The following SNX29 variants were observed in gnomAD, a reference collection of about 807,000 sequenced individuals.
SNX29 encodes the protein sorting nexin 29.
SNX29 carries 78 observed loss-of-function variants against 102.1 expected under a neutral mutation model. That is an observed-to-expected ratio of 0.76 (90% CI 0.64 to 0.92). The LOEUF (loss-of-function observed/expected upper bound fraction) is 0.92. Among genes scored for constraint, SNX29 ranks in the 40% least tolerant of loss-of-function variants. The pLI, the probability that SNX29 is intolerant of heterozygous loss-of-function variation, is 0.00. For missense variants in SNX29, 1,280 were observed against 1,061.7 expected, an observed-to-expected ratio of 1.21 and a Z score of -2.86; for synonymous variants, 580 against 414.5, an observed-to-expected ratio of 1.40 and a Z score of -4.85.
intron 14 of SNX29, among the ~76,000 whole-genome samples, chr16:12,265,802 T>C (rs148124011): frequency 6.7e-6 from 1 of 149,896 alleles, no homozygotes; most frequent in Non-Finnish European, 1.5e-5. Context: ...AGGTGGAGGA[T>C]CACCTGAGCC....
intron 20 of SNX29, among the ~76,000 whole-genome samples, chr16:12,563,580 G>A (rs1474123541): frequency 6.7e-6 from 1 of 148,988 alleles, no homozygotes; most frequent in African/African-American, 2.4e-5. Context: ...TTGGGTGGTG[G>A]CTTAGGCCTC....
chr16:12,187,460 A>T (rs709421), intron 13 of SNX29, among the ~76,000 whole-genome samples: 85,542 of 151,486 alleles, frequency 0.56, 28,846 homozygotes, highest in Non-Finnish European at 0.73. Context: ...AGGCAGGAGA[A>T]TTGCTTGAAC....
chr16:12,281,386 G>A (rs1011607983), intron 15 of SNX29, among the ~76,000 whole-genome samples: 99 of 152,312 alleles, frequency 6.5e-4, no homozygotes, highest in African/African-American at 2.2e-3. Flanking sequence ...CTGGAATCCA[G>A]TGTCCTGGAC....
At chr16:12,131,203 T>A (rs2141426555) in intron 13 of SNX29, among the ~76,000 whole-genome samples, 1 of 152,342 alleles carries the variant, frequency 6.6e-6, no homozygotes, top group East Asian at 1.9e-4. Flanking sequence ...GGGGTGGAAA[T>A]GGTGCTGGCA....
At chr16:12,454,974 C>T (rs1210851825) in intron 18 of SNX29, among the ~76,000 whole-genome samples, 2 of 152,194 alleles carry the variant, frequency 1.3e-5, no homozygotes, top group East Asian at 1.9e-4. Context: ...TCTCGAACTC[C>T]TGACCTCAAG....
chr16:12,100,949 G>C (rs1335564562), intron 11 of SNX29, among the ~76,000 whole-genome samples: 1 of 152,102 alleles, frequency 6.6e-6, no homozygotes, highest in Non-Finnish European at 1.5e-5. Context: ...GATGACCTTT[G>C]GGTTTTCTCC....
At chr16:12,100,486 C>T (rs1470913498) in intron 11 of SNX29, among the ~76,000 whole-genome samples, 4 of 151,986 alleles carry the variant, frequency 2.6e-5, no homozygotes, top group Non-Finnish European at 4.4e-5. Context: ...CTGTCCTCTA[C>T]GGTAAAGTAA....
chr16:11,997,850 A>C (rs898538937), intron 1 of SNX29, among the ~76,000 whole-genome samples: 1 of 152,186 alleles, frequency 6.6e-6, no homozygotes, highest in African/African-American at 2.4e-5. Context: ...CTCAGCTCTT[A>C]AAACATTGCC....
chr16:12,475,015 C>G (rs1022959612), intron 18 of SNX29, among the ~76,000 whole-genome samples: 2 of 152,244 alleles, frequency 1.3e-5, no homozygotes, highest in Non-Finnish European at 2.9e-5. Context: ...AGTCCAGTTC[C>G]TCTCCATCTG....
At chr16:12,465,547 T>A (rs535352251) in intron 18 of SNX29, among the ~76,000 whole-genome samples, 1 of 152,358 alleles carries the variant, frequency 6.6e-6, no homozygotes, top group South Asian at 2.1e-4. Flanking sequence ...TTCTGGGCTT[T>A]GTTCTGTTCT....
intron 20 of SNX29, among the ~76,000 whole-genome samples, chr16:12,541,025 C>G (rs372983685): frequency 6.6e-4 from 100 of 152,292 alleles, no homozygotes; most frequent in African/African-American, 2.2e-3. Context: ...ACAGCAACAA[C>G]TGGTCATCTC....
Position 12,003,042 on chromosome 16 carries a change from A to T in SNX29, c.121A>T (p.Arg41Trp). The T allele has an allele frequency of 6.2e-7, 1 of 1,614,176 alleles. No homozygotes were observed. Among genetic ancestry groups the T allele is most frequent in the Non-Finnish European group, 8.5e-7 (1 of 1,180,010 alleles). The change falls in exon 3 of 21, where the codon AGG becomes TGG. Residue 41 changes from arginine to tryptophan, a missense_variant and splice_region_variant. Arg to Trp is a moderately radical substitution (Grantham distance 101, BLOSUM62 -3). Transcript: ENST00000566228. The stretch of plus-strand genomic sequence containing the variant: ...GGAGATTGCCTCGGATTCCGACAGC[A>T]GGTAAATATGTCACTTCTAAAACCG... ...RKEIASDSDS[R>W]VTCLCAQFEA... is the part of the protein sequence containing the mutation.
intron 20 of SNX29, chr16:12,527,298 A>G (rs2076812017): frequency 1.9e-6 from 1 of 532,110 alleles, no homozygotes; most frequent in Non-Finnish European, 3.7e-6. Context: ...TGCTGCCCAC[A>G]GAAAGCAGCG....
intron 15 of SNX29, among the ~76,000 whole-genome samples, chr16:12,354,688 G>A (rs1268981250): frequency 2.0e-5 from 3 of 152,210 alleles, no homozygotes; most frequent in Admixed American, 1.3e-4. Context: ...GAGGAAGCTC[G>A]TGGGGGGTTT....
chr16:12,035,521 G>T (rs370155484), intron 4 of SNX29, among the ~76,000 whole-genome samples: 2 of 152,320 alleles, frequency 1.3e-5, no homozygotes. Context: ...GCCCCTTGTT[G>T]GCACTCTGCT....
At chr16:12,165,603 C>T (rs1384177702) in intron 13 of SNX29, among the ~76,000 whole-genome samples, 1 of 152,182 alleles carries the variant, frequency 6.6e-6, no homozygotes, top group Non-Finnish European at 1.5e-5. Context: ...CTCTGTCACC[C>T]AGACTGGAGT....
intron 20 of SNX29, among the ~76,000 whole-genome samples, chr16:12,541,738 T>C (rs972686061): frequency 1.3e-5 from 2 of 152,122 alleles, no homozygotes; most frequent in African/African-American, 2.4e-5. Context: ...GTCTTTTCCG[T>C]ACTGTGCCAG....
intron 13 of SNX29, among the ~76,000 whole-genome samples, chr16:12,148,716 A>T (rs1414422687): frequency 6.6e-6 from 1 of 151,876 alleles, no homozygotes; most frequent in African/African-American, 2.4e-5. Flanking sequence ...TATTTTTCTG[A>T]GGTGGCATCT....
chr16:12,370,779 G>C (rs1402984968), intron 16 of SNX29, among the ~76,000 whole-genome samples: 1 of 152,188 alleles, frequency 6.6e-6, no homozygotes, highest in East Asian at 1.9e-4. Context: ...CAGCTGGTCT[G>C]TGGGAACCAG....
Sources: allele counts gnomAD v4.1 joint callset (sites outside exome capture counted in the v4.1 genomes callset), GRCh38; gene constraint gnomAD v4.1.1; transcripts MANE v1.5; gene names NCBI Gene and HGNC (gene_info 2026-07-23, HGNC 2026-07-21).